The following VSTM2B variants were observed in gnomAD, a reference collection of about 807,000 sequenced individuals.
The protein encoded by VSTM2B is V-set and transmembrane domain-containing protein 2B.
A neutral mutation model predicts 24.0 loss-of-function variants in VSTM2B; 24 were observed. The ratio of observed to expected loss-of-function variants is 1.00; its 90% CI spans 0.72 to 1.40. The LOEUF (loss-of-function observed/expected upper bound fraction) is 1.40. Among genes scored for constraint, VSTM2B ranks in the 40% most tolerant of loss-of-function variants. The pLI, the probability that VSTM2B is intolerant of heterozygous loss-of-function variation, is 0.00. For synonymous variants in VSTM2B, 226 were observed against 194.4 expected, an observed-to-expected ratio of 1.16 and a Z score of -1.35; for missense variants, 399 against 416.4, an observed-to-expected ratio of 0.96 and a Z score of 0.36.
At chr19:29,546,941 C>T (rs1190056883) in intron 4 of VSTM2B, among the ~76,000 whole-genome samples, 1 of 152,184 alleles carries the variant, frequency 6.6e-6, no homozygotes, top group East Asian at 1.9e-4. Flanking sequence ...TAGCCAGGGG[C>T]CAGGGTCAGG....
intron 4 of VSTM2B, among the ~76,000 whole-genome samples, chr19:29,562,596 T>C (rs1182091061): frequency 6.6e-6 from 1 of 152,100 alleles, no homozygotes; most frequent in African/African-American, 2.4e-5. Flanking sequence ...GAAAACTGCA[T>C]CCATTCATGC....
intron 4 of VSTM2B, among the ~76,000 whole-genome samples, chr19:29,561,600 G>A (rs189414652): frequency 6.1e-4 from 93 of 152,254 alleles, no homozygotes; most frequent in Middle Eastern, 3.4e-3. Flanking sequence ...ACTCCAGCCC[G>A]GGCAACAAGA....
chr19:29,527,391 G>T lies in VSTM2B; in HGVS notation c.263G>T (p.Ser88Ile). 1 of 1,531,316 alleles carries T rather than the reference G, an allele frequency of 6.5e-7. No individual in the cohort carries two copies. The allele number at this position is 1,531,316 out of a possible 1,614,324, so 94.9% of individuals were successfully genotyped here. ...ELALSVPGAR[S>I]KVTNKDATKI... ...GCGCTCAGCGTGCCGGGCGCCCGGA[G>T]CAAGGTAACCCGCCGCCCACGCGGT... Residue 88 changes from serine to isoleucine, a missense_variant, in exon 2 of 5, where the codon AGC becomes ATC. By Grantham distance (142) the Ser-to-Ile change is moderately radical. Coordinates refer to ENST00000335523, the MANE Select transcript of VSTM2B (RefSeq NM_001146339.2).
rs1599873967 is a variant in VSTM2B, at chr19:29,528,559, T to C, written c.297+97T>C. 6 of 1,440,070 alleles carry C rather than the reference T, an allele frequency of 4.2e-6. No individual in the cohort carries two copies. In the East Asian group the frequency reaches 7.5e-5, roughly 18 times the overall value. The allele number at this position is 1,440,070 out of a possible 1,614,324, so 89.2% of individuals were successfully genotyped here. A position where few individuals can be genotyped will look rare whatever the true frequency, so the allele number is the denominator to read the frequency against. The stretch of plus-strand genomic sequence containing the variant: ...TAGCAAGCCGCGGCGGCCGCGCATG[T>C]GGGGCCGCGCAAGTAGGGCAGCGAT... On this transcript the variant is annotated intron_variant, in intron 3 of 4. Coordinates refer to ENST00000335523, the MANE Select transcript of VSTM2B (RefSeq NM_001146339.2).
At chr19:29,528,363 A>G (rs1029429547) in intron 2 of VSTM2B, 70 bp from the exon 3 acceptor site, 60 of 1,548,142 alleles carry the variant, frequency 3.9e-5, no homozygotes, top group Non-Finnish European at 4.8e-5. Flanking sequence ...CCTTGCCTAA[A>G]GGCGGATCCG....
chr19:29,553,377 A>G (rs557422078), intron 4 of VSTM2B, among the ~76,000 whole-genome samples: 26 of 152,350 alleles, frequency 1.7e-4, no homozygotes, highest in African/African-American at 6.3e-4. Flanking sequence ...CCTGACTGTT[A>G]AAACAAAAGC....
At position 29,539,860 on chromosome 19, in the gene VSTM2B, C is replaced by T. The variant is rs528067154; in HGVS notation, c.769+9570C>T. Among the ~76,000 whole-genome samples, 178 of 152,328 alleles carry T rather than the reference C, an allele frequency of 1.2e-3. 3 individuals are homozygous for T. In the South Asian group the frequency reaches 0.026, roughly 22 times the overall value. On this transcript the variant is annotated intron_variant, in intron 4 of 4. Transcript: ENST00000335523. ...CCCTCCTGCCTGTCTCCACCCCTCACGCCCATGTGAGCCTGCCTCCCTCCC... is the reference window on the plus strand; with the variant it reads ...CCCTCCTGCCTGTCTCCACCCCTCATGCCCATGTGAGCCTGCCTCCCTCCC...
Position 29,550,215 on chromosome 19 carries a change from C to T in VSTM2B, c.770-13631C>T, listed in dbSNP as rs187010232. Among the ~76,000 whole-genome samples the T allele has an allele frequency of 1.1e-3, 171 of 152,328 alleles. 1 individual carries two copies. Among genetic ancestry groups the T allele is most frequent in the Non-Finnish European group, 1.5e-4 (10 of 68,026 alleles). On this transcript the variant is annotated intron_variant, in intron 4 of 4. Coordinates refer to ENST00000335523, the MANE Select transcript of VSTM2B (RefSeq NM_001146339.2). Reference sequence around the variant, plus strand: ...TTGGGAGGCCAAGGCGGGAGGATCACTTGAGGCCAGGATTTGAAGAGTAGC... The same window carrying T: ...TTGGGAGGCCAAGGCGGGAGGATCATTTGAGGCCAGGATTTGAAGAGTAGC...
intron 4 of VSTM2B, among the ~76,000 whole-genome samples, chr19:29,558,646 T>C (rs1970465563): frequency 6.6e-6 from 1 of 152,146 alleles, no homozygotes. Context: ...TATTAATAAG[T>C]AGCAGCTGAA....
chr19:29,528,849 C>G, intron 3 of VSTM2B: 1 of 939,214 alleles, frequency 1.1e-6, no homozygotes, highest in Non-Finnish European at 1.3e-6. Context: ...GCTTCCCGCC[C>G]CCTCTGCCCC....
At chr19:29,540,623 A>G (rs75102089) in intron 4 of VSTM2B, among the ~76,000 whole-genome samples, 6,583 of 152,210 alleles carry the variant, frequency 0.043, 380 homozygotes, top group African/African-American at 0.14. Flanking sequence ...CCACTGTCCT[A>G]TATTCATTGG....
Position 29,526,856 on chromosome 19 carries a change from A to T in VSTM2B, c.82+191A>T. On this transcript the variant is annotated intron_variant, in intron 1 of 4. Transcript: ENST00000335523. This position sits in a 1 kb window ranked among gnomAD's most constrained non-coding sequence, Gnocchi z 4.1. ...CGCCGCAGCAGCAGCGCCGCGCCCG[A>T]GTCGTTCCCAGTCCCGCCGGGGCCC... 1.9e-6 allele frequency: 1 copy of T among 521,678 alleles called. No individual in the cohort carries two copies. The highest frequency in any genetic ancestry group is 3.5e-5 in the East Asian group (1 of 28,910). The allele number at this position is 521,678 out of a possible 1,614,324, so 32.3% of individuals were successfully genotyped here. A position where few individuals can be genotyped will look rare whatever the true frequency, so the allele number is the denominator to read the frequency against.
rs1409960528 is a variant in VSTM2B at position 29,526,926 on chromosome 19, C to G, written c.82+261C>G. ...TGCGGGGAGCGGGAGTAGGCGCGCC[C>G]CAGCCAGGCTCTGGCGGTGCGGCCA... On this transcript the variant is annotated intron_variant, in intron 1 of 4. Coordinates refer to ENST00000335523, the MANE Select transcript of VSTM2B (RefSeq NM_001146339.2). This position sits in a 1 kb window ranked among gnomAD's most constrained non-coding sequence, Gnocchi z 4.1. 6.3e-6 allele frequency: 3 copies of G among 475,570 alleles called. No individual in the cohort carries two copies. Among genetic ancestry groups the G allele is most frequent in the Non-Finnish European group, 1.1e-5 (3 of 273,604 alleles). The allele number at this position is 475,570 out of a possible 1,614,324, so 29.5% of individuals were successfully genotyped here.
intron 4 of VSTM2B, among the ~76,000 whole-genome samples, chr19:29,551,510 C>A (rs117280133): frequency 3.3e-5 from 5 of 152,118 alleles, no homozygotes; most frequent in Non-Finnish European, 5.9e-5. Context: ...TTGAGGGTCT[C>A]TTTCAAATGG....
chr19:29,528,375 G>A (rs1599873712), intron 2 of VSTM2B, 58 bp from the exon 3 acceptor site: 2 of 1,550,290 alleles, frequency 1.3e-6, no homozygotes, highest in Admixed American at 2.0e-5. Flanking sequence ...GCGGATCCGA[G>A]TTCCCCTAGC....
At chr19:29,559,315 C>T (rs1241967961) in intron 4 of VSTM2B, among the ~76,000 whole-genome samples, 7 of 152,182 alleles carry the variant, frequency 4.6e-5, no homozygotes, top group African/African-American at 1.7e-4. Flanking sequence ...TTTGCAGGGA[C>T]ATGAATGAAG....
chr19:29,544,343 G>C (rs1013485231), intron 4 of VSTM2B, among the ~76,000 whole-genome samples: 1 of 151,054 alleles, frequency 6.6e-6, no homozygotes, highest in African/African-American at 2.4e-5. Flanking sequence ...TGGCTAACAC[G>C]GTGAAACCCC....
At chr19:29,538,744 G>A (rs1178938065) in intron 4 of VSTM2B, among the ~76,000 whole-genome samples, 2 of 152,156 alleles carry the variant, frequency 1.3e-5, no homozygotes, top group Non-Finnish European at 2.9e-5. Context: ...AAGAGAGAGA[G>A]GGAGGATGTG....
intron 4 of VSTM2B, among the ~76,000 whole-genome samples, chr19:29,535,065 T>A (rs1235766798): frequency 6.6e-6 from 1 of 152,220 alleles, no homozygotes; most frequent in Non-Finnish European, 1.5e-5. Flanking sequence ...GTCTCATTTG[T>A]CAAGAGACAT....
Sources: allele counts gnomAD v4.1 joint callset (sites outside exome capture counted in the v4.1 genomes callset), GRCh38; gene constraint gnomAD v4.1.1; non-coding constraint Gnocchi (gnomAD v3.1); transcripts MANE v1.5; gene names NCBI Gene and HGNC (gene_info 2026-07-23, HGNC 2026-07-21).